PTPRN2: variants seen among roughly 807,000 people sequenced by gnomAD.
PTPRN2 encodes the protein receptor-type tyrosine-protein phosphatase N2.
Under a neutral mutation model 118.8 loss-of-function variants are expected in PTPRN2, and 74 were observed. That is an observed-to-expected ratio of 0.62 (90% CI 0.52 to 0.76). The LOEUF (loss-of-function observed/expected upper bound fraction) is 0.76, where lower values mean the gene tolerates loss of function less well. Among genes scored for constraint, PTPRN2 ranks in the 30% least tolerant of loss-of-function variants. The pLI is 0.00. For synonymous variants in PTPRN2, 641 were observed against 608.0 expected, an observed-to-expected ratio of 1.05 and a Z score of -0.80; for missense variants, 1,481 against 1,394.4, an observed-to-expected ratio of 1.06 and a Z score of -0.99.
Position 158,438,027 on chromosome 7 carries a change from A to C in PTPRN2, c.163+51708T>G, listed in dbSNP as rs1355964121. 1.3e-5 allele frequency among the ~76,000 whole-genome samples: 2 copies of C among 152,182 alleles called. No individual in the cohort carries two copies. Among genetic ancestry groups the C allele is most frequent in the Non-Finnish European group, 2.9e-5 (2 of 68,044 alleles). The stretch of plus-strand genomic sequence containing the variant: ...GACAGGAATCACAAATGCCCCCAGG[A>C]GACAGGCAGCCCGCAGGGAGTGGGC... On this transcript the variant is annotated intron_variant, in intron 2 of 22. Coordinates refer to ENST00000389418, the MANE Select transcript of PTPRN2 (RefSeq NM_002847.5). This position sits in a 1 kb window ranked among gnomAD's most constrained non-coding sequence, Gnocchi z 4.7.
intron 12 of PTPRN2, among the ~76,000 whole-genome samples, chr7:157,828,375 A>G (rs1486571990): frequency 6.6e-6 from 1 of 152,188 alleles, no homozygotes; most frequent in Admixed American, 6.5e-5. Flanking sequence ...TGGACGGAAC[A>G]GCGATCGGAT....
intron 12 of PTPRN2, among the ~76,000 whole-genome samples, chr7:157,720,590 C>T (rs917074207): frequency 1.3e-4 from 20 of 152,218 alleles, no homozygotes; most frequent in East Asian, 7.7e-4. Flanking sequence ...GGTGTGCACG[C>T]GGGGACCGAG....
intron 2 of PTPRN2, among the ~76,000 whole-genome samples, chr7:158,379,972 G>T (rs1810843011): frequency 6.6e-6 from 1 of 152,116 alleles, no homozygotes; most frequent in Non-Finnish European, 1.5e-5. Context: ...AAAACCATCA[G>T]ATCTTGTGAG....
intron 1 of PTPRN2, among the ~76,000 whole-genome samples, chr7:158,524,809 A>C (rs1394894331): frequency 6.6e-6 from 1 of 152,192 alleles, no homozygotes; most frequent in Non-Finnish European, 1.5e-5. Context: ...TGCATACACA[A>C]AAAGTCAGCT....
chr7:157,693,308 C>T (rs887957465), intron 12 of PTPRN2, among the ~76,000 whole-genome samples: 2 of 152,022 alleles, frequency 1.3e-5, no homozygotes, highest in South Asian at 2.1e-4. Flanking sequence ...CCCGCGGGGG[C>T]TGGGAGGGGA....
At chr7:158,155,852 C>T (rs1041180764) in intron 6 of PTPRN2, among the ~76,000 whole-genome samples, 6 of 150,938 alleles carry the variant, frequency 4.0e-5, no homozygotes, top group Non-Finnish European at 7.4e-5. Flanking sequence ...ATGGACTGTG[C>T]TCCTTTGGTT....
At chr7:158,202,002 GT>G (rs1826683073) in intron 4 of PTPRN2, among the ~76,000 whole-genome samples, 1 of 152,158 alleles carries the variant, frequency 6.6e-6, no homozygotes, top group Non-Finnish European at 1.5e-5. Context: ...ATTTTACAGA[GT>G]TTGACTCTTT....
intron 12 of PTPRN2, among the ~76,000 whole-genome samples, chr7:157,782,264 C>T (rs1301594259): frequency 6.6e-6 from 1 of 152,218 alleles, no homozygotes; most frequent in African/African-American, 2.4e-5. Context: ...TGAGCTCAGC[C>T]CTGGCACAGG....
chr7:157,947,244 A>G (rs1370489555), intron 11 of PTPRN2, among the ~76,000 whole-genome samples: 3 of 152,200 alleles, frequency 2.0e-5, no homozygotes, highest in Admixed American at 6.5e-5. Context: ...GGTGGCTCCA[A>G]GGATCTGTCC....
chr7:157,636,550 G>A (rs998203929), intron 14 of PTPRN2, among the ~76,000 whole-genome samples: 1 of 152,208 alleles, frequency 6.6e-6, no homozygotes, highest in African/African-American at 2.4e-5. Context: ...AGTTTAAAAT[G>A]TCTACCCATA....
At position 158,184,818 on chromosome 7, in the gene PTPRN2, G is replaced by GA. The variant is rs201720014; in HGVS notation, c.549+7508dup. Among the ~76,000 whole-genome samples the GA allele has an allele frequency of 3.8e-4, 56 of 147,140 alleles. No homozygotes were observed. In the South Asian group the frequency reaches 8.6e-3, roughly 23 times the overall value. On this transcript the variant is annotated intron_variant, in intron 5 of 22. Transcript: ENST00000389418. Reference sequence around the variant, plus strand: ...AGAAGAATGAACTTCCGTCTCAAAAGAAAAAAAAAAGATCTTCAATGCAGT... The same window carrying GA: ...AGAAGAATGAACTTCCGTCTCAAAAGAAAAAAAAAAAGATCTTCAATGCAGT...
intron 11 of PTPRN2, among the ~76,000 whole-genome samples, chr7:158,009,499 A>C (rs1563324665): frequency 6.6e-6 from 1 of 152,208 alleles, no homozygotes; most frequent in Non-Finnish European, 1.5e-5. Context: ...ATTTGTAAAT[A>C]ACAGCATATT....
intron 2 of PTPRN2, among the ~76,000 whole-genome samples, chr7:158,346,859 T>C (rs975528740): frequency 4.6e-5 from 7 of 152,274 alleles, no homozygotes; most frequent in Admixed American, 2.0e-4. Flanking sequence ...TTAGCACAGT[T>C]GAGCATCTTT....
intron 18 of PTPRN2, 78 bp downstream of exon 18, chr7:157,577,943 A>C: frequency 2.1e-6 from 3 of 1,449,682 alleles, no homozygotes; most frequent in Non-Finnish European, 2.8e-6. Context: ...GGCCCTAACG[A>C]ATCCCATTCG....
Position 157,595,330 on chromosome 7 carries a change from C to G in PTPRN2, c.2419-15G>C. ...TCGTGATCCATCTGCAGAGACAAGACCACACCACAGCGGTTAGCCAGGAGA... is the reference window on the plus strand; with the variant it reads ...TCGTGATCCATCTGCAGAGACAAGAGCACACCACAGCGGTTAGCCAGGAGA... On this transcript the variant is annotated splice_polypyrimidine_tract_variant and intron_variant, in intron 16 of 22. Coordinates refer to ENST00000389418, the MANE Select transcript of PTPRN2 (RefSeq NM_002847.5). 6.2e-7 allele frequency: 1 copy of G among 1,612,146 alleles called. No individual in the cohort carries two copies. Among genetic ancestry groups the G allele is most frequent in the Non-Finnish European group, 8.5e-7 (1 of 1,179,110 alleles).
At chr7:157,906,751 C>T (rs964066727) in intron 11 of PTPRN2, among the ~76,000 whole-genome samples, 8 of 152,196 alleles carry the variant, frequency 5.3e-5, no homozygotes, top group Non-Finnish European at 1.2e-4. Flanking sequence ...TCTCCCAGGA[C>T]CACGGGCGGT....
intron 2 of PTPRN2, among the ~76,000 whole-genome samples, chr7:158,409,731 A>G (rs1306027684): frequency 1.3e-5 from 2 of 152,164 alleles, no homozygotes. Context: ...GGGATCGCGC[A>G]GGCCCCCTCA....
intron 2 of PTPRN2, among the ~76,000 whole-genome samples, chr7:158,340,982 C>A (rs377626523): frequency 1.3e-5 from 1 of 79,668 alleles, no homozygotes; most frequent in Non-Finnish European, 2.8e-5. Context: ...CACTCACACC[C>A]ACACTCTCAC....
chr7:158,062,027 C>T (rs547129812), intron 11 of PTPRN2, among the ~76,000 whole-genome samples: 1 of 152,386 alleles, frequency 6.6e-6, no homozygotes, highest in South Asian at 2.1e-4. Context: ...GTCAGAGCAA[C>T]CTCATTCCAC....
Sources: allele counts gnomAD v4.1 joint callset (sites outside exome capture counted in the v4.1 genomes callset), GRCh38; gene constraint gnomAD v4.1.1; non-coding constraint Gnocchi (gnomAD v3.1); transcripts MANE v1.5; gene names NCBI Gene and HGNC (gene_info 2026-07-23, HGNC 2026-07-21).